The following GLIS3 variants were observed in gnomAD, a reference collection of about 807,000 sequenced individuals.
GLIS3 encodes GLIS family zinc finger 3, also known as zinc finger protein GLIS3.
A neutral mutation model predicts 78.6 loss-of-function variants in GLIS3; 53 were observed. The observed-to-expected ratio is 0.67, with a 90% CI of 0.54 to 0.85. GLIS3 has a LOEUF of 0.85. Ranked by LOEUF, GLIS3 falls within the 40% of genes least tolerant of loss-of-function variation. GLIS3 has a pLI of 0.00. For missense variants in GLIS3, 1,703 were observed against 1,231.1 expected, an observed-to-expected ratio of 1.38 and a Z score of -5.74; for synonymous variants, 684 against 509.9, an observed-to-expected ratio of 1.34 and a Z score of -4.60.
At chr9:4,014,026 G>C (rs1292174188) in intron 4 of GLIS3, among the ~76,000 whole-genome samples, 1 of 152,144 alleles carries the variant, frequency 6.6e-6, no homozygotes, top group Admixed American at 6.5e-5. Context: ...AGAGAGCCTT[G>C]AAAAATGAAA....
At chr9:4,480,806 T>C in the GLIS3 span, among the ~76,000 whole-genome samples, 2 of 148,162 alleles carry the variant, frequency 1.3e-5, no homozygotes, top group South Asian at 2.2e-4. Flanking sequence ...TTTTCAAGTA[T>C]ACAAGTAATA....
the GLIS3 span, among the ~76,000 whole-genome samples, chr9:4,479,514 T>A: frequency 6.6e-6 from 1 of 152,234 alleles, no homozygotes; most frequent in Non-Finnish European, 1.5e-5. Flanking sequence ...TATGCAAGTC[T>A]GTACATTGGG....
chr9:4,239,585 T>A (rs1227197927), intron 2 of GLIS3, among the ~76,000 whole-genome samples: 1 of 152,224 alleles, frequency 6.6e-6, no homozygotes, highest in Non-Finnish European at 1.5e-5. Context: ...ACCATACTGA[T>A]GTGCTCTAGC....
At chr9:4,167,185 C>T (rs997120448) in intron 2 of GLIS3, among the ~76,000 whole-genome samples, 1 of 152,198 alleles carries the variant, frequency 6.6e-6, no homozygotes, top group Non-Finnish European at 1.5e-5. Flanking sequence ...AAGAGCAAAG[C>T]TGCAACAGGA....
At chr9:4,328,514 C>T (rs1817634568) in intron 2 of GLIS3, among the ~76,000 whole-genome samples, 3 of 152,244 alleles carry the variant, frequency 2.0e-5, no homozygotes, top group Admixed American at 2.0e-4. Context: ...CCATAATCCC[C>T]TGACAGATCA....
chr9:4,361,396 G>A, the GLIS3 span, among the ~76,000 whole-genome samples: 1 of 152,144 alleles, frequency 6.6e-6, no homozygotes, highest in Non-Finnish European at 1.5e-5. Context: ...GACCAATCTT[G>A]CTTCTCTTAC....
At chr9:4,303,401 G>A (rs1817144318), upstream of GLIS3, among the ~76,000 whole-genome samples, 1 of 152,098 alleles carries the variant, frequency 6.6e-6, no homozygotes, top group South Asian at 2.1e-4. Context: ...TTACTTTCCT[G>A]AGTAGTACAA....
chr9:3,872,899 A>C (rs1191490074), intron 8 of GLIS3, among the ~76,000 whole-genome samples: 1 of 152,212 alleles, frequency 6.6e-6, no homozygotes, highest in Non-Finnish European at 1.5e-5. Context: ...CAAACCCCAG[A>C]TTTGCAGGAA....
At chr9:4,209,103 A>G (rs1269598376) in intron 2 of GLIS3, among the ~76,000 whole-genome samples, 5 of 152,176 alleles carry the variant, frequency 3.3e-5, no homozygotes, top group Admixed American at 2.6e-4. Context: ...TAAATTACGT[A>G]AGTCCTAAGA....
At chr9:4,322,886 C>G (rs1480047436) in intron 2 of GLIS3, among the ~76,000 whole-genome samples, 1 of 152,166 alleles carries the variant, frequency 6.6e-6, no homozygotes, top group Non-Finnish European at 1.5e-5. Context: ...ATGGTAGTTT[C>G]TTTTGCTGTG....
chr9:4,085,477 T>C (rs1828941533), intron 4 of GLIS3, among the ~76,000 whole-genome samples: 1 of 152,122 alleles, frequency 6.6e-6, no homozygotes, highest in African/African-American at 2.4e-5. Flanking sequence ...TTTTATCCTG[T>C]CCACGTGATA....
chr9:3,907,553 G>A (rs1319023035), intron 6 of GLIS3, among the ~76,000 whole-genome samples: 2 of 151,016 alleles, frequency 1.3e-5, no homozygotes, highest in African/African-American at 2.4e-5. Flanking sequence ...GTGTGTCCGT[G>A]CCCCAGTTTC....
rs185264714 is a variant in GLIS3 at position 3,923,490 on chromosome 9, G to C, written c.1983+8870C>G. 7.9e-5 allele frequency among the ~76,000 whole-genome samples: 12 copies of C among 152,192 alleles called. No homozygotes were observed. In the East Asian group the frequency reaches 1.5e-3, roughly 20 times the overall value. Reference sequence around the variant, plus strand: ...ATTGTGGGAAACTAGAGATATTAAAGGAGAATTTCACAGACATCAGCAAGG... The same window carrying C: ...ATTGTGGGAAACTAGAGATATTAAACGAGAATTTCACAGACATCAGCAAGG... On this transcript the variant is annotated intron_variant, in intron 6 of 10. Transcript: ENST00000381971.
intron 9 of GLIS3, among the ~76,000 whole-genome samples, chr9:3,843,764 T>C (rs772888317): frequency 7.2e-5 from 11 of 152,208 alleles, no homozygotes; most frequent in Non-Finnish European, 1.3e-4. Flanking sequence ...TGGGTAATTA[T>C]TTGGCCAATT....
chr9:4,425,243 G>C, the GLIS3 span, among the ~76,000 whole-genome samples: 5 of 152,180 alleles, frequency 3.3e-5, no homozygotes, highest in African/African-American at 4.8e-5. Flanking sequence ...CTGCTGTCCT[G>C]AGTTTTCTGT....
At chr9:4,027,710 G>A (rs1823462836) in intron 4 of GLIS3, among the ~76,000 whole-genome samples, 1 of 152,180 alleles carries the variant, frequency 6.6e-6, no homozygotes, top group African/African-American at 2.4e-5. Context: ...AATCACATTT[G>A]ACAGCTCTCT....
At chr9:3,939,912 G>A (rs1826108040) in intron 4 of GLIS3, among the ~76,000 whole-genome samples, 2 of 152,198 alleles carry the variant, frequency 1.3e-5, no homozygotes, top group African/African-American at 4.8e-5. Context: ...TTGGTGAGGT[G>A]CCAAATATCC....
At chr9:4,483,479 G>C in the GLIS3 span, among the ~76,000 whole-genome samples, 1 of 151,912 alleles carries the variant, frequency 6.6e-6, no homozygotes, top group Non-Finnish European at 1.5e-5. Flanking sequence ...CAGCACTTTG[G>C]GAGGCCAAGG....
chr9:3,976,636 C>G (rs1263382593), intron 4 of GLIS3, among the ~76,000 whole-genome samples: 1 of 151,168 alleles, frequency 6.6e-6, no homozygotes, highest in Non-Finnish European at 1.5e-5. Context: ...ACATCTCAAT[C>G]AGGCCCAAGA....
Sources: gnomAD v4.1 joint callset for allele counts (sites outside exome capture counted in the v4.1 genomes callset) on GRCh38, gnomAD v4.1.1 for gene constraint, MANE v1.5 for transcripts, NCBI Gene and HGNC (gene_info 2026-07-23, HGNC 2026-07-21) for gene names.